Variants in MMP16 observed in about 807,000 individuals in gnomAD.
The protein encoded by MMP16 is matrix metallopeptidase 16, also known as matrix metalloproteinase-16.
Under a neutral mutation model 67.8 loss-of-function variants are expected in MMP16, and 12 were observed. That is an observed-to-expected ratio of 0.18 (90% confidence interval 0.11 to 0.29). MMP16 has a LOEUF of 0.29. Ranked by LOEUF, MMP16 falls within the 10% of genes least tolerant of loss-of-function variation. MMP16 has a pLI of 1.00. For missense variants in MMP16, 475 were observed against 765.7 expected, an observed-to-expected ratio of 0.62 and a Z score of 4.48; for synonymous variants, 249 against 255.9, an observed-to-expected ratio of 0.97 and a Z score of 0.26.
chr8:88,234,169 T>C (rs1231681866), intron 1 of MMP16, among the ~76,000 whole-genome samples: 1 of 152,162 alleles, frequency 6.6e-6, no homozygotes, highest in Non-Finnish European at 1.5e-5. Context: ...GAGAAAAACA[T>C]AAAGTGGAGT....
intron 4 of MMP16, among the ~76,000 whole-genome samples, chr8:88,147,861 T>C (rs1382237236): frequency 1.3e-5 from 2 of 152,128 alleles, no homozygotes; most frequent in South Asian, 2.1e-4. Flanking sequence ...TGTGGATTCA[T>C]ATTTTTACTT....
chr8:88,148,704 T>C (rs556790555), intron 4 of MMP16, among the ~76,000 whole-genome samples: 2 of 150,186 alleles, frequency 1.3e-5, no homozygotes, highest in Non-Finnish European at 2.9e-5. Context: ...TCAATAAAAA[T>C]TGTACATTAT....
chr8:88,327,252 C>T lies in MMP16; in HGVS notation c.-46G>A. ...ATGGACGAGCTCCCCTTCGTTTTCT[C>T]CCTCTCTCCCTCTCCCTCCCTCCCT... On this transcript the variant is annotated 5_prime_UTR_variant, in exon 1 of 10. Transcript: ENST00000286614. 6.2e-7 allele frequency: 1 copy of T among 1,610,678 alleles called. No individual in the cohort carries two copies. The highest frequency in any genetic ancestry group is 8.5e-7 in the Non-Finnish European group (1 of 1,177,846).
intron 1 of MMP16, among the ~76,000 whole-genome samples, chr8:88,227,678 T>C (rs1159157594): frequency 6.6e-6 from 1 of 152,042 alleles, no homozygotes; most frequent in African/African-American, 2.4e-5. Context: ...TTGTTCTTTC[T>C]AATGTATAAA....
intron 3 of MMP16, among the ~76,000 whole-genome samples, chr8:88,171,176 A>T (rs1808793851): frequency 6.6e-6 from 1 of 152,200 alleles, no homozygotes; most frequent in South Asian, 2.1e-4. Context: ...ATTTGACAAC[A>T]CATCGCTGTG....
chr8:88,246,448 C>T (rs1810113726), intron 1 of MMP16, among the ~76,000 whole-genome samples: 1 of 152,066 alleles, frequency 6.6e-6, no homozygotes, highest in Non-Finnish European at 1.5e-5. Context: ...ATCTGGTCAC[C>T]TTGAAGACTG....
intron 1 of MMP16, among the ~76,000 whole-genome samples, chr8:88,233,138 C>T (rs1490045908): frequency 6.6e-6 from 1 of 152,118 alleles, no homozygotes; most frequent in Non-Finnish European, 1.5e-5. Context: ...TCAGGTAATA[C>T]ATGAAAATTC....
In MMP16 at chr8:88,074,693, T is replaced by C; in HGVS notation, c.1134A>G (p.Pro378=). 1 of 1,613,668 alleles carries C rather than the reference T, an allele frequency of 6.2e-7. No individual in the cohort carries two copies. The highest frequency in any genetic ancestry group is 8.5e-7 in the Non-Finnish European group (1 of 1,179,726). ...VRNNRVMDGY[P]MQITYFWRGL... ...CCCGCCAGAAGTAAGTAATTTGCAT[T>C]GGGTATCCATCCATCACCCTGTTGT... The change falls in exon 7 of 10, where the codon CCA becomes CCG. Residue 378 remains proline, a synonymous_variant. Transcript: ENST00000286614.
chr8:88,284,278 G>C (rs1428518157), intron 1 of MMP16, among the ~76,000 whole-genome samples: 9 of 152,158 alleles, frequency 5.9e-5, no homozygotes, highest in Admixed American at 5.9e-4. Flanking sequence ...TCATACAATA[G>C]TGGATAAATT....
intron 1 of MMP16, among the ~76,000 whole-genome samples, chr8:88,204,410 A>C (rs1484563902): frequency 6.6e-6 from 1 of 152,158 alleles, no homozygotes; most frequent in Non-Finnish European, 1.5e-5. Flanking sequence ...AAAGATTATA[A>C]ATAAACTGAT....
At chr8:88,131,435 T>G (rs1306255620) in intron 4 of MMP16, among the ~76,000 whole-genome samples, 1 of 151,694 alleles carries the variant, frequency 6.6e-6, no homozygotes, top group African/African-American at 2.4e-5. Context: ...GACTGCTAGA[T>G]TCCATGAATT....
Position 88,034,830 on chromosome 8 carries a change from C to T in MMP16, c.*6631G>A. On this transcript the variant is annotated 3_prime_UTR_variant, in exon 10 of 10. Coordinates refer to ENST00000286614, the MANE Select transcript of MMP16 (RefSeq NM_005941.5). ...TCAACCATGTCTTGGCAAGACAGGCCAATGTAGCGACATACATTCATATAA... is the reference window on the plus strand; with the variant it reads ...TCAACCATGTCTTGGCAAGACAGGCTAATGTAGCGACATACATTCATATAA... 1 of 151,936 alleles carries T rather than the reference C, an allele frequency of 6.6e-6. No individual in the cohort carries two copies. The highest frequency in any genetic ancestry group is 1.9e-4 in the East Asian group (1 of 5,180). 9.4% of individuals were successfully genotyped at this position (151,936 alleles called of 1,614,324 possible).
At chr8:88,186,322 C>G in intron 3 of MMP16, 154 bp downstream of exon 3, 33 of 924,314 alleles carry the variant, frequency 3.6e-5, no homozygotes, top group African/African-American at 2.0e-4. Context: ...GAACAATTTA[C>G]TCTCCTCTCA....
chr8:88,138,878 G>A (rs1324008490), intron 4 of MMP16, among the ~76,000 whole-genome samples: 2 of 151,822 alleles, frequency 1.3e-5, no homozygotes, highest in Non-Finnish European at 2.9e-5. Flanking sequence ...GATCTCAATG[G>A]GAATGTTGGT....
intron 3 of MMP16, among the ~76,000 whole-genome samples, chr8:88,176,421 T>A (rs942339009): frequency 6.6e-6 from 1 of 152,162 alleles, no homozygotes; most frequent in African/African-American, 2.4e-5. Flanking sequence ...TAAATAAGGA[T>A]TCAGAGATAC....
chr8:88,117,396 A>G (rs767425141), intron 5 of MMP16, among the ~76,000 whole-genome samples: 7 of 152,176 alleles, frequency 4.6e-5, no homozygotes, highest in Non-Finnish European at 1.0e-4. Context: ...AATTTGGTAC[A>G]GATGTAAAGC....
chr8:88,059,988 A>G (rs189440697), intron 7 of MMP16, among the ~76,000 whole-genome samples: 27 of 152,122 alleles, frequency 1.8e-4, no homozygotes, highest in Admixed American at 1.8e-3. Flanking sequence ...AAGAGATAAA[A>G]AAAAAAAAAG....
At chr8:88,200,642 CT>C (rs1809329170) in intron 1 of MMP16, among the ~76,000 whole-genome samples, 1 of 151,858 alleles carries the variant, frequency 6.6e-6, no homozygotes, top group African/African-American at 2.4e-5. Flanking sequence ...CAGATATTGC[CT>C]TTACTAGATT....
chr8:88,147,777 T>TTGTGTGTGTGTG (rs55829907), intron 4 of MMP16, among the ~76,000 whole-genome samples: 1 of 149,198 alleles, frequency 6.7e-6, no homozygotes, highest in African/African-American at 2.5e-5. Flanking sequence ...AAATATGTGT[T>TTGTGTGTGTGTG]TGTGTGTGTG....
Sources: gnomAD v4.1 joint callset for allele counts (sites outside exome capture counted in the v4.1 genomes callset) on GRCh38, gnomAD v4.1.1 for gene constraint, MANE v1.5 for transcripts, NCBI Gene and HGNC (gene_info 2026-07-23, HGNC 2026-07-21) for gene names.